The following PRKG1 variants were observed in gnomAD, a reference collection of about 807,000 sequenced individuals.
PRKG1 encodes protein kinase cGMP-dependent 1.
PRKG1 carries 35 observed loss-of-function variants against 88.1 expected under a neutral mutation model. That is an observed-to-expected ratio of 0.40 (90% CI 0.30 to 0.53). The LOEUF (loss-of-function observed/expected upper bound fraction) is 0.53. PRKG1 is among the 20% of genes least tolerant of loss of function. The probability of loss-of-function intolerance (pLI) is 0.59; values close to 1 mark genes in which losing one functional copy is unlikely to be tolerated. For missense variants in PRKG1, 540 were observed against 839.8 expected, an observed-to-expected ratio of 0.64 and a Z score of 4.41; for synonymous variants, 303 against 292.5, an observed-to-expected ratio of 1.04 and a Z score of -0.37.
At chr10:51,256,986 T>A (rs1367857207) in intron 2 of PRKG1, among the ~76,000 whole-genome samples, 1 of 151,902 alleles carries the variant, frequency 6.6e-6, no homozygotes, top group South Asian at 2.1e-4. Flanking sequence ...TAAATAAAAA[T>A]TCAAAATTAA....
At chr10:51,869,169 G>T (rs534413539) in intron 4 of PRKG1, among the ~76,000 whole-genome samples, 2 of 152,148 alleles carry the variant, frequency 1.3e-5, no homozygotes, top group Non-Finnish European at 2.9e-5. Context: ...ACCTTTCTTA[G>T]TTTAGTTTTT....
Position 52,271,473 on chromosome 10 carries a change from T to G in PRKG1, c.1297T>G (p.Ser433Ala). 6.2e-7 allele frequency: 1 copy of G among 1,612,488 alleles called. No homozygotes were observed. The highest frequency in any genetic ancestry group is 8.5e-7 in the Non-Finnish European group (1 of 1,179,078). The change falls in exon 11 of 18, where the codon TCC (serine) becomes GCC (alanine). Residue 433 changes from serine (S) to alanine (A), a missense_variant. Ser to Ala is a moderately conservative substitution (Grantham distance 99). Coordinates refer to ENST00000373980, the MANE Select transcript of PRKG1 (RefSeq NM_006258.4). ...GAAGCAGATCATGCAGGGGGCTCAT[T>G]CCGATTTCATAGTGAGGTAAAGGCT... ...SEKQIMQGAHSDFIVRLYRTF... is the reference protein window; with the variant it reads ...SEKQIMQGAHADFIVRLYRTF...
chr10:52,061,367 G>A (rs1361664039), intron 6 of PRKG1, among the ~76,000 whole-genome samples: 6 of 152,090 alleles, frequency 3.9e-5, no homozygotes, highest in Non-Finnish European at 7.4e-5. Flanking sequence ...ATGTGTTTAA[G>A]TGTTTGGCAT....
intron 1 of PRKG1, among the ~76,000 whole-genome samples, chr10:51,099,611 C>G (rs946359296): frequency 5.9e-5 from 9 of 151,976 alleles, no homozygotes; most frequent in Admixed American, 5.2e-4. Context: ...GATAGATGAC[C>G]TATATTGAGG....
At chr10:51,261,916 G>T (rs1839717937) in intron 2 of PRKG1, among the ~76,000 whole-genome samples, 1 of 143,128 alleles carries the variant, frequency 7.0e-6, no homozygotes, top group African/African-American at 2.6e-5. Flanking sequence ...ATGGAGTCTG[G>T]CTCTGTCGCC....
chr10:51,099,200 C>A (rs1247261417), intron 1 of PRKG1, among the ~76,000 whole-genome samples: 1 of 151,998 alleles, frequency 6.6e-6, no homozygotes, highest in Non-Finnish European at 1.5e-5. Flanking sequence ...TGTATAGTAG[C>A]CTCATACCAA....
At chr10:51,611,052 G>GT (rs755993138) in intron 3 of PRKG1, among the ~76,000 whole-genome samples, 1 of 147,658 alleles carries the variant, frequency 6.8e-6, no homozygotes, top group Non-Finnish European at 1.5e-5. Flanking sequence ...GGAACTTACA[G>GT]TTAAAAAAAA....
intron 3 of PRKG1, among the ~76,000 whole-genome samples, chr10:51,610,341 T>C (rs1440330555): frequency 1.3e-5 from 2 of 152,178 alleles, no homozygotes; most frequent in Admixed American, 6.6e-5. Flanking sequence ...ACTACCTCCA[T>C]GTGAGCAATG....
Position 51,284,224 on chromosome 10 carries a change from A to G in PRKG1, c.478+130894A>G, listed in dbSNP as rs891513677. On this transcript the variant is annotated intron_variant, in intron 2 of 17. Transcript: ENST00000373980. Reference sequence around the variant, plus strand: ...ATAACATTATTTTTTGTAAAGCAAGAAAAGCCTTAAAAGAAAAAAGACATA... The same window carrying G: ...ATAACATTATTTTTTGTAAAGCAAGGAAAGCCTTAAAAGAAAAAAGACATA... Among the ~76,000 whole-genome samples, 147 of 152,254 alleles carry G rather than the reference A, an allele frequency of 9.7e-4. 3 individuals are homozygous for G. Among genetic ancestry groups the G allele is most frequent in the Non-Finnish European group, 2.9e-4 (20 of 68,042 alleles).
chr10:51,763,242 T>G (rs1838068383), intron 3 of PRKG1, among the ~76,000 whole-genome samples: 1 of 152,082 alleles, frequency 6.6e-6, no homozygotes, highest in African/African-American at 2.4e-5. Flanking sequence ...TTAAATTTTT[T>G]TATTTTAGAG....
intron 3 of PRKG1, among the ~76,000 whole-genome samples, chr10:51,501,934 T>C (rs1021078879): frequency 2.6e-5 from 4 of 152,102 alleles, no homozygotes; most frequent in Middle Eastern, 3.4e-3. Context: ...GGGTAGGTTG[T>C]GTAGGTCCAG....
chr10:51,136,565 A>T (rs1056022884), intron 1 of PRKG1, among the ~76,000 whole-genome samples: 11 of 111,360 alleles, frequency 9.9e-5, no homozygotes, highest in Admixed American at 7.7e-4. Context: ...TGAAGAACAT[A>T]GAGTTTTTAG....
At chr10:51,831,933 A>C (rs10999686) in intron 4 of PRKG1, among the ~76,000 whole-genome samples, 3,195 of 152,204 alleles carry the variant, frequency 0.021, 79 homozygotes, top group East Asian at 0.11. Context: ...AGTTGGTGGG[A>C]TTATGGATGA....
chr10:51,182,117 T>A (rs147173072), intron 2 of PRKG1, among the ~76,000 whole-genome samples: 2 of 152,212 alleles, frequency 1.3e-5, no homozygotes, highest in African/African-American at 4.8e-5. Context: ...GAATATGACA[T>A]ACCTCTGGTA....
At chr10:52,002,783 T>A (rs531927638) in intron 5 of PRKG1, among the ~76,000 whole-genome samples, 1 of 152,272 alleles carries the variant, frequency 6.6e-6, no homozygotes, top group East Asian at 1.9e-4. Flanking sequence ...CTATGAAAGA[T>A]CATCAGCAGC....
intron 3 of PRKG1, among the ~76,000 whole-genome samples, chr10:51,521,320 A>G (rs984933138): frequency 2.6e-5 from 4 of 152,164 alleles, no homozygotes; most frequent in Non-Finnish European, 4.4e-5. Flanking sequence ...TGCCTAGAAT[A>G]TTGTCCGACA....
chr10:52,270,623 A>G (rs979146702), intron 10 of PRKG1, among the ~76,000 whole-genome samples: 1 of 151,498 alleles, frequency 6.6e-6, no homozygotes, highest in African/African-American at 2.4e-5. Flanking sequence ...CGCAAGGACC[A>G]AAAACCAAAC....
chr10:51,968,831 A>T lies in PRKG1; in HGVS notation c.762+61261A>T, dbSNP rs76007238. Among the ~76,000 whole-genome samples the T allele has an allele frequency of 3.3e-5, 5 of 150,750 alleles. No individual in the cohort carries two copies. The South Asian group carries it at 1.0e-3, about 31-fold the overall frequency. ...GAGCAAAACTCCATCAAAAAAAAAA[A>T]AAAAAAGAAAAAAGAAAAAAATAGT... is the stretch of plus-strand genomic sequence containing the variant. On this transcript the variant is annotated intron_variant, in intron 5 of 17. Transcript: ENST00000373980.
chr10:51,118,240 T>C (rs1321963307), intron 1 of PRKG1, among the ~76,000 whole-genome samples: 3 of 152,144 alleles, frequency 2.0e-5, no homozygotes, highest in African/African-American at 7.2e-5. Context: ...GAAGTGGATA[T>C]AATGGGATTT....
Sources: gnomAD v4.1 joint callset for allele counts (sites outside exome capture counted in the v4.1 genomes callset) on GRCh38, gnomAD v4.1.1 for gene constraint, MANE v1.5 for transcripts, NCBI Gene and HGNC (gene_info 2026-07-23, HGNC 2026-07-21) for gene names.